The following MTUS2 variants were observed in gnomAD, a reference collection of about 807,000 sequenced individuals.
MTUS2 encodes the protein microtubule associated scaffold protein 2.
MTUS2 carries 40 observed loss-of-function variants against 114.1 expected under a neutral mutation model. That is an observed-to-expected ratio of 0.35 (90% CI 0.27 to 0.46). The LOEUF is 0.46. Ranked by LOEUF, MTUS2 falls within the 20% of genes least tolerant of loss-of-function variation. The probability of loss-of-function intolerance (pLI) is 1.00; values close to 1 mark genes in which losing one functional copy is unlikely to be tolerated. For synonymous variants in MTUS2, 688 were observed against 672.0 expected (o/e 1.02, Z -0.37); for missense variants, 1,679 against 1,705.4 (o/e 0.98, Z 0.27).
chr13:29,009,659 A>G (rs138966655), intron 2 of MTUS2, among the ~76,000 whole-genome samples: 248 of 152,318 alleles, frequency 1.6e-3, no homozygotes, highest in African/African-American at 5.5e-3. Flanking sequence ...TTCTCTGTGT[A>G]TATGTCAAAA....
At position 28,883,967 on chromosome 13, in the gene MTUS2, T is replaced by G. The variant is rs1019774547; in HGVS notation, c.-243+44117T>G. Among the ~76,000 whole-genome samples the G allele has an allele frequency of 2.0e-5, 3 of 152,200 alleles. No homozygotes were observed. The East Asian group carries it at 5.8e-4, about 29-fold the overall frequency. On this transcript the variant is annotated intron_variant, in intron 2 of 15. Coordinates refer to ENST00000612955, the MANE Select transcript of MTUS2 (RefSeq NM_001033602.4). ...GGAATGTGAAATGGTGTAACTGCTA[T>G]GGAAAATAGTATGATGTTTCCTCAA...
chr13:29,400,766 A>G (rs1346980021), intron 8 of MTUS2, among the ~76,000 whole-genome samples: 2 of 152,212 alleles, frequency 1.3e-5, no homozygotes, highest in African/African-American at 4.8e-5. Context: ...CAGAGTGTAT[A>G]TAGGTATACA....
chr13:29,272,440 C>T (rs554646750), intron 5 of MTUS2, among the ~76,000 whole-genome samples: 141 of 152,304 alleles, frequency 9.3e-4, no homozygotes, highest in African/African-American at 3.2e-3. Flanking sequence ...TGCAGCCTTC[C>T]TCTTCCTTGA....
rs764783443 is a variant in MTUS2, at chr13:29,025,301, C to T, written c.603C>T (p.Asp201=). The part of the protein sequence containing the change: ...TPQHPQPLSL[D]SREARGQIPG... ...AGCATCCACAGCCTCTATCCCTCGACTCCCGGGAAGCACGGGGTCAGATAC... is the reference window on the plus strand; with the variant it reads ...AGCATCCACAGCCTCTATCCCTCGATTCCCGGGAAGCACGGGGTCAGATAC... The change falls in exon 3 of 16, where the codon GAC becomes GAT. Residue 201 remains aspartate (D), a synonymous_variant. Coordinates refer to ENST00000612955, the MANE Select transcript of MTUS2 (RefSeq NM_001033602.4). 5 of 1,613,970 alleles carry T rather than the reference C, an allele frequency of 3.1e-6. No homozygotes were observed. In the South Asian group the frequency reaches 3.3e-5, roughly 11 times the overall value.
At chr13:28,991,367 ATTTT>A in intron 2 of MTUS2, among the ~76,000 whole-genome samples, 1 of 125,476 alleles carries the variant, frequency 8.0e-6, no homozygotes, top group African/African-American at 3.0e-5. Flanking sequence ...TGTCTCTTCA[ATTTT>A]TTTTTTTTTT....
chr13:29,222,837 G>A (rs34231979), intron 5 of MTUS2, among the ~76,000 whole-genome samples: 6 of 152,138 alleles, frequency 3.9e-5, no homozygotes, highest in Non-Finnish European at 5.9e-5. Context: ...CTCCAATTGC[G>A]GAGCAAAGTT....
At chr13:29,452,181 G>A (rs887525850) in intron 9 of MTUS2, among the ~76,000 whole-genome samples, 2 of 152,138 alleles carry the variant, frequency 1.3e-5, no homozygotes, top group African/African-American at 4.8e-5. Context: ...CAGAGACTGG[G>A]TTTGGTTGCC....
chr13:29,286,982 C>G (rs1346191064), intron 6 of MTUS2, among the ~76,000 whole-genome samples: 1 of 152,198 alleles, frequency 6.6e-6, no homozygotes, highest in Non-Finnish European at 1.5e-5. Flanking sequence ...GCCACCAAGC[C>G]ATGCACTCTT....
At chr13:29,343,420 A>G (rs1164069334) in intron 7 of MTUS2, among the ~76,000 whole-genome samples, 2 of 151,684 alleles carry the variant, frequency 1.3e-5, no homozygotes, top group Admixed American at 6.6e-5. Context: ...CATCTCCTCT[A>G]GGTTTTCTAC....
chr13:29,463,756 C>T (rs550275703), intron 9 of MTUS2, among the ~76,000 whole-genome samples: 2 of 152,110 alleles, frequency 1.3e-5, no homozygotes, highest in East Asian at 1.9e-4. Context: ...CCCAGCACTT[C>T]GGGGGGCCGA....
At chr13:29,284,394 C>T (rs1466087105) in intron 6 of MTUS2, among the ~76,000 whole-genome samples, 2 of 124,882 alleles carry the variant, frequency 1.6e-5, no homozygotes, top group Middle Eastern at 8.1e-3. Context: ...GAAGAATAAG[C>T]TATTTTTTAA....
intron 8 of MTUS2, among the ~76,000 whole-genome samples, chr13:29,395,535 A>C (rs1873848010): frequency 6.6e-6 from 1 of 152,210 alleles, no homozygotes. Flanking sequence ...TCAGTTGAGA[A>C]GGTAGGGTCT....
At chr13:29,008,108 C>T (rs1189569494) in intron 2 of MTUS2, among the ~76,000 whole-genome samples, 2 of 152,168 alleles carry the variant, frequency 1.3e-5, no homozygotes, top group East Asian at 3.8e-4. Context: ...TTTCCTCTTT[C>T]TCATTGCTGG....
chr13:29,311,071 A>G (rs1186491066), intron 6 of MTUS2, among the ~76,000 whole-genome samples: 2 of 152,372 alleles, frequency 1.3e-5, no homozygotes, highest in Non-Finnish European at 2.9e-5. Context: ...CTGGGGCTAC[A>G]TGTGGATGAA....
At chr13:28,918,833 A>G (rs1054820880) in intron 2 of MTUS2, among the ~76,000 whole-genome samples, 1 of 151,814 alleles carries the variant, frequency 6.6e-6, no homozygotes, top group Admixed American at 6.6e-5. Flanking sequence ...ATTTGTGTGT[A>G]TATGTTATTT....
chr13:29,482,822 G>A (rs1354918888), intron 10 of MTUS2, among the ~76,000 whole-genome samples: 1 of 152,214 alleles, frequency 6.6e-6, no homozygotes, highest in Non-Finnish European at 1.5e-5. Context: ...ATTGGTTTGG[G>A]GGAACCGGAG....
chr13:29,481,809 C>T (rs1222718947), intron 10 of MTUS2, among the ~76,000 whole-genome samples: 1 of 152,154 alleles, frequency 6.6e-6, no homozygotes, highest in Admixed American at 6.5e-5. Flanking sequence ...CCTATAAAAG[C>T]CAGACACACC....
At chr13:29,483,086 G>A (rs1436550537) in intron 10 of MTUS2, among the ~76,000 whole-genome samples, 1 of 152,188 alleles carries the variant, frequency 6.6e-6, no homozygotes, top group Non-Finnish European at 1.5e-5. Context: ...CTCCACTCTT[G>A]GGGCCTCCTT....
At chr13:29,502,589 C>T (rs1882981106) in intron 15 of MTUS2, among the ~76,000 whole-genome samples, 1 of 152,272 alleles carries the variant, frequency 6.6e-6, no homozygotes, top group African/African-American at 2.4e-5. Context: ...CTCAGGAAGG[C>T]CCGCGGCTCT....
Sources: gnomAD v4.1 joint callset for allele counts (sites outside exome capture counted in the v4.1 genomes callset) on GRCh38, gnomAD v4.1.1 for gene constraint, MANE v1.5 for transcripts, NCBI Gene and HGNC (gene_info 2026-07-23, HGNC 2026-07-21) for gene names.